PRDM5: variants seen among roughly 807,000 people sequenced by gnomAD.
PRDM5 encodes PR domain zinc finger protein 5.
Under a neutral mutation model 81.2 loss-of-function variants are expected in PRDM5, and 56 were observed. That is an observed-to-expected ratio of 0.69 (90% CI 0.56 to 0.86). PRDM5 has a LOEUF of 0.86. PRDM5 is among the 40% of genes least tolerant of loss of function. The probability of loss-of-function intolerance (pLI) is 0.00; values close to 1 mark genes in which losing one functional copy is unlikely to be tolerated. For missense variants in PRDM5, 697 were observed against 770.1 expected, an observed-to-expected ratio of 0.91 and a Z score of 1.12; for synonymous variants, 267 against 256.4, an observed-to-expected ratio of 1.04 and a Z score of -0.39.
chr4:120,816,472 G>C lies in PRDM5; in HGVS notation c.846C>G (p.His282Gln), dbSNP rs775521377. 6.2e-7 allele frequency: 1 copy of C among 1,614,148 alleles called. No individual in the cohort carries two copies. The highest frequency in any genetic ancestry group is 8.5e-7 in the Non-Finnish European group (1 of 1,180,018). The change falls in exon 7 of 16, where the codon CAC becomes CAG. Residue 282 changes from histidine to glutamine, a missense_variant. By Grantham distance (24) the His-to-Gln change is conservative. Coordinates refer to ENST00000264808, the MANE Select transcript of PRDM5 (RefSeq NM_018699.4). ...RLKSKDALKRHQENVHTGDPK... is the reference protein window; with the variant it reads ...RLKSKDALKRQQENVHTGDPK... ...CCTCACCAGTGTGGACATTTTCCTGGTGTCTTTTCAGGGCATCCTTGCTCT... is the reference window on the plus strand; with the variant it reads ...CCTCACCAGTGTGGACATTTTCCTGCTGTCTTTTCAGGGCATCCTTGCTCT...
At chr4:120,720,342 C>T (rs1400296749) in intron 14 of PRDM5, among the ~76,000 whole-genome samples, 1 of 152,150 alleles carries the variant, frequency 6.6e-6, no homozygotes. Context: ...TTTCGGAGTC[C>T]TCCACTTTTC....
intron 2 of PRDM5, among the ~76,000 whole-genome samples, chr4:120,869,608 A>G (rs1295794572): frequency 6.6e-6 from 1 of 152,190 alleles, no homozygotes; most frequent in Non-Finnish European, 1.5e-5. Context: ...AAAAACAACA[A>G]AAGGTCTTGG....
Position 120,710,301 on chromosome 4 carries a change from A to G in PRDM5, c.1728+8T>C. ...AAGACACTATGGGGGAAAAAAATCC[A>G]AACTCACATCACACTGAAAAGGCTT... On this transcript the variant is annotated splice_region_variant and intron_variant, in intron 15 of 15. Transcript: ENST00000264808. 6.2e-7 allele frequency: 1 copy of G among 1,613,290 alleles called. No homozygotes were observed. The highest frequency in any genetic ancestry group is 1.1e-5 in the South Asian group (1 of 91,000).
intron 15 of PRDM5, among the ~76,000 whole-genome samples, chr4:120,699,795 T>A (rs922295664): frequency 1.3e-5 from 2 of 152,148 alleles, no homozygotes; most frequent in Non-Finnish European, 2.9e-5. Context: ...AAATATTTCA[T>A]GCTTAGAGAT....
intron 1 of PRDM5, among the ~76,000 whole-genome samples, chr4:120,913,183 T>C (rs28615118): frequency 0.011 from 1,656 of 152,354 alleles, 39 homozygotes; most frequent in African/African-American, 0.039. Context: ...AATCATTGTA[T>C]GGAACTATCA....
At chr4:120,804,626 G>A (rs1327915392) in intron 8 of PRDM5, among the ~76,000 whole-genome samples, 2 of 152,170 alleles carry the variant, frequency 1.3e-5, no homozygotes, top group Non-Finnish European at 2.9e-5. Flanking sequence ...AATGAAGGCA[G>A]AAATAAAGAT....
intron 1 of PRDM5, among the ~76,000 whole-genome samples, chr4:120,912,121 A>G (rs1231050132): frequency 1.3e-5 from 2 of 152,186 alleles, no homozygotes; most frequent in East Asian, 3.8e-4. Context: ...CTCCATGGAT[A>G]CTAAAACCAT....
intron 2 of PRDM5, among the ~76,000 whole-genome samples, chr4:120,884,777 A>G (rs895725395): frequency 6.6e-6 from 1 of 152,200 alleles, no homozygotes; most frequent in African/African-American, 2.4e-5. Flanking sequence ...TTTCCTATGA[A>G]GTCTGATAAA....
At chr4:120,710,233 A>G in intron 15 of PRDM5, 76 bp downstream of exon 15, 2 of 1,210,792 alleles carry the variant, frequency 1.7e-6, no homozygotes, top group Non-Finnish European at 2.4e-6. Context: ...ACACACACAC[A>G]CACACATACA....
At chr4:120,854,323 C>T (rs1179927387) in intron 2 of PRDM5, among the ~76,000 whole-genome samples, 2 of 152,084 alleles carry the variant, frequency 1.3e-5, no homozygotes, top group Non-Finnish European at 2.9e-5. Flanking sequence ...GTTTATAAAA[C>T]TTATATACCA....
At chr4:120,877,702 G>A (rs1211363294) in intron 2 of PRDM5, among the ~76,000 whole-genome samples, 2 of 152,216 alleles carry the variant, frequency 1.3e-5, no homozygotes, top group African/African-American at 4.8e-5. Flanking sequence ...CTTCTTGGGA[G>A]GCTGAGGCAG....
At chr4:120,687,793 A>G (rs545064201), downstream of PRDM5, among the ~76,000 whole-genome samples, 3 of 152,172 alleles carry the variant, frequency 2.0e-5, no homozygotes, top group Admixed American at 6.6e-5. Context: ...TCCTTATAAA[A>G]GGATGAGTTC....
chr4:120,823,711 T>G (rs911000681), intron 3 of PRDM5, among the ~76,000 whole-genome samples: 1 of 152,206 alleles, frequency 6.6e-6, no homozygotes, highest in Non-Finnish European at 1.5e-5. Flanking sequence ...CTGGAGCCAT[T>G]TTGTCCACCT....
chr4:120,787,305 G>A (rs1487219141), intron 10 of PRDM5, among the ~76,000 whole-genome samples: 1 of 152,126 alleles, frequency 6.6e-6, no homozygotes, highest in Non-Finnish European at 1.5e-5. Context: ...GAAGTGGAGA[G>A]ATGCAGTCAG....
At chr4:120,898,773 A>C (rs1323627193) in intron 2 of PRDM5, among the ~76,000 whole-genome samples, 1 of 152,022 alleles carries the variant, frequency 6.6e-6, no homozygotes, top group Non-Finnish European at 1.5e-5. Context: ...ACTACCTTTC[A>C]CTATATTATT....
intron 14 of PRDM5, among the ~76,000 whole-genome samples, chr4:120,751,708 A>C (rs1364583761): frequency 6.6e-6 from 1 of 152,196 alleles, no homozygotes; most frequent in Non-Finnish European, 1.5e-5. Context: ...GATTAATTGG[A>C]TTTTGGCAAA....
At position 120,778,535 on chromosome 4, in the gene PRDM5, A is replaced by G. The variant is rs77756036; in HGVS notation, c.1444-1254T>C. On this transcript the variant is annotated intron_variant, in intron 12 of 15. Coordinates refer to ENST00000264808, the MANE Select transcript of PRDM5 (RefSeq NM_018699.4). Reference sequence around the variant, plus strand: ...TGCAGCCTTATTATTTAATTAGCGAATTTGCATTTTGGTATTAAAATGTGT... The same window carrying G: ...TGCAGCCTTATTATTTAATTAGCGAGTTTGCATTTTGGTATTAAAATGTGT... Among the ~76,000 whole-genome samples the G allele has an allele frequency of 1.1e-3, 165 of 152,250 alleles. 3 individuals carry two copies. The East Asian group carries it at 0.027, about 25-fold the overall frequency.
intron 15 of PRDM5, among the ~76,000 whole-genome samples, chr4:120,697,808 C>T (rs1479721521): frequency 6.6e-6 from 1 of 151,172 alleles, no homozygotes; most frequent in Non-Finnish European, 1.5e-5. Context: ...TGTGAGCTAC[C>T]ACATCCAGCC....
rs140410164 is a variant in PRDM5 at position 120,796,109 on chromosome 4, A to C, written c.1188+2158T>G. Among the ~76,000 whole-genome samples the C allele has an allele frequency of 3.1e-3, 474 of 152,322 alleles. 2 individuals carry two copies. The highest frequency in any genetic ancestry group is 5.4e-3 in the Non-Finnish European group (369 of 68,028). ...TAACCCTTGAGCATACTAAAAGATAAAGATCACACTGACTCTTAACGTTTT... is the reference window on the plus strand; with the variant it reads ...TAACCCTTGAGCATACTAAAAGATACAGATCACACTGACTCTTAACGTTTT... On this transcript the variant is annotated intron_variant, in intron 10 of 15. Transcript: ENST00000264808.
Sources: allele counts gnomAD v4.1 joint callset (sites outside exome capture counted in the v4.1 genomes callset), GRCh38; gene constraint gnomAD v4.1.1; transcripts MANE v1.5; gene names NCBI Gene and HGNC (gene_info 2026-07-23, HGNC 2026-07-21).